The following BIN1 variants were observed in gnomAD, a reference collection of about 807,000 sequenced individuals.
The protein encoded by BIN1 is bridging integrator 1, also known as myc box-dependent-interacting protein 1.
In BIN1, 53 loss-of-function variants were observed where a neutral mutation model predicts 82.0. The ratio of observed to expected loss-of-function variants is 0.65; its 90% CI spans 0.52 to 0.81. The LOEUF (loss-of-function observed/expected upper bound fraction) is 0.81, where lower values mean the gene tolerates loss of function less well. BIN1 is among the 40% of genes least tolerant of loss of function. The pLI is 0.00. For missense variants in BIN1, 642 were observed against 784.4 expected, an observed-to-expected ratio of 0.82 and a Z score of 2.17; for synonymous variants, 302 against 328.0, an observed-to-expected ratio of 0.92 and a Z score of 0.86.
chr2:127,048,485 A>C lies in BIN1; in HGVS notation c.*41T>G, dbSNP rs1396666182. ...AAAGAACCACACATTTTTCGGGAGG[A>C]GGTGTTCTTCACACGCCCGGAGGCT... On this transcript the variant is annotated 3_prime_UTR_variant, in exon 19 of 19. Transcript: ENST00000316724. The C allele has an allele frequency of 6.5e-7, 1 of 1,549,062 alleles. No individual in the cohort carries two copies. Among genetic ancestry groups the C allele is most frequent in the Admixed American group, 1.7e-5 (1 of 59,648 alleles).
chr2:127,060,729 T>C, intron 10 of BIN1: 2 of 1,533,498 alleles, frequency 1.3e-6, no homozygotes, highest in South Asian at 1.1e-5. Context: ...TTGCCAACCC[T>C]TCTGCTCAGA....
chr2:127,054,243 C>T, intron 12 of BIN1: 1 of 573,672 alleles, frequency 1.7e-6, no homozygotes, highest in South Asian at 1.9e-5. Context: ...CCGGCACAGG[C>T]TCCCGCCCAC....
At chr2:127,078,024 C>T (rs539420720) in intron 1 of BIN1, among the ~76,000 whole-genome samples, 1 of 152,364 alleles carries the variant, frequency 6.6e-6, no homozygotes, top group South Asian at 2.1e-4. Context: ...ACATCCCTCC[C>T]TTCCAAGACC....
chr2:127,104,127 G>A (rs1196149556), intron 1 of BIN1, among the ~76,000 whole-genome samples: 1 of 152,248 alleles, frequency 6.6e-6, no homozygotes, highest in Non-Finnish European at 1.5e-5. Context: ...TGTCCAGGCA[G>A]GATTTGATGA....
rs1204123181 is a variant in BIN1 at position 127,082,134 on chromosome 2, G to A, written c.85-5428C>T. 6.6e-6 allele frequency among the ~76,000 whole-genome samples: 1 copy of A among 152,116 alleles called. No individual in the cohort carries two copies. Among genetic ancestry groups the A allele is most frequent in the Non-Finnish European group, 1.5e-5 (1 of 67,996 alleles). On this transcript the variant is annotated intron_variant, in intron 1 of 18. Transcript: ENST00000316724. This position sits in a 1 kb window ranked among gnomAD's most constrained non-coding sequence, Gnocchi z 6.1. The stretch of plus-strand genomic sequence containing the variant: ...AGGGCCCCTAGAACAGGACAAAGGC[G>A]AGCCTTCTCCCCACCCCCGCCCCCC...
At chr2:127,061,082 G>A (rs1218843116) in intron 10 of BIN1, among the ~76,000 whole-genome samples, 3 of 152,138 alleles carry the variant, frequency 2.0e-5, no homozygotes, top group African/African-American at 4.8e-5. Flanking sequence ...TGGCCAGGAC[G>A]GCCCCACTTA....
intron 10 of BIN1, among the ~76,000 whole-genome samples, chr2:127,061,727 G>A (rs1386863096): frequency 2.0e-5 from 3 of 152,134 alleles, no homozygotes; most frequent in Non-Finnish European, 4.4e-5. Flanking sequence ...AGAGGGAAGG[G>A]CGGTGCTATC....
chr2:127,068,342 T>A lies in BIN1; in HGVS notation c.520-87A>T. 8.8e-7 allele frequency: 1 copy of A among 1,132,298 alleles called. No homozygotes were observed. 70.1% of individuals were successfully genotyped at this position (1,132,298 alleles called of 1,614,324 possible). ...CAGAGACACACAGATTAAATGCAGG[T>A]CCACACGCCCCACGCGCGGGGGCCA... On this transcript the variant is annotated intron_variant, in intron 6 of 18. Coordinates refer to ENST00000316724, the MANE Select transcript of BIN1 (RefSeq NM_139343.3). The surrounding 1 kb of genome is among the most constrained non-coding windows in gnomAD (Gnocchi z 4.9).
At chr2:127,069,892 C>T (rs1558833338) in intron 5 of BIN1, 103 bp downstream of exon 5, 2 of 1,265,284 alleles carry the variant, frequency 1.6e-6, no homozygotes. Context: ...CTTCCTGCCT[C>T]CAGGACAGCC....
intron 1 of BIN1, among the ~76,000 whole-genome samples, chr2:127,095,011 C>T (rs1679414537): frequency 2.0e-5 from 3 of 152,234 alleles, no homozygotes; most frequent in Non-Finnish European, 1.5e-5. Context: ...GACATTCCAG[C>T]TCAGCCAGGC....
chr2:127,081,259 C>G (rs1400960726), intron 1 of BIN1, among the ~76,000 whole-genome samples: 1 of 152,248 alleles, frequency 6.6e-6, no homozygotes, highest in Non-Finnish European at 1.5e-5. Flanking sequence ...CATGCACGCA[C>G]TTCAAGTCAC....
chr2:127,051,003 G>T, intron 16 of BIN1, 91 bp from the exon 17 acceptor site: 1 of 1,508,168 alleles, frequency 6.6e-7, no homozygotes, highest in South Asian at 1.1e-5. Context: ...AGGGGAGAAA[G>T]GTGTCTGCGC....
Position 127,076,620 on chromosome 2 carries a change from A to G in BIN1, c.165+6T>C, listed in dbSNP as rs763931802. 14 of 1,613,566 alleles carry G rather than the reference A, an allele frequency of 8.7e-6. No homozygotes were observed. The highest frequency in any genetic ancestry group is 1.7e-5 in the Admixed American group (1 of 59,968). On this transcript the variant is annotated splice_donor_region_variant and intron_variant, in intron 2 of 18. Transcript: ENST00000316724. ...CTCCCTAAGGCCAAGGGCCACCCAC[A>G]CTCACCAGCTGCTTGTTGAAATTCT...
intron 1 of BIN1, among the ~76,000 whole-genome samples, chr2:127,105,171 A>T (rs1310081631): frequency 1.3e-5 from 2 of 152,284 alleles, no homozygotes; most frequent in East Asian, 3.9e-4. Context: ...TGCTGCAGAG[A>T]AAAGACAACC....
At position 127,081,800 on chromosome 2, in the gene BIN1, C is replaced by T. The variant is rs765211523; in HGVS notation, c.85-5094G>A. Reference sequence around the variant, plus strand: ...CTCCCAGGCACCCACCACCCAGCTGCTGAGACCCCAGAAAACGCATAAGGC... The same window carrying T: ...CTCCCAGGCACCCACCACCCAGCTGTTGAGACCCCAGAAAACGCATAAGGC... On this transcript the variant is annotated intron_variant, in intron 1 of 18. Coordinates refer to ENST00000316724, the MANE Select transcript of BIN1 (RefSeq NM_139343.3). 18 of 1,286,734 alleles carry T rather than the reference C, an allele frequency of 1.4e-5. No homozygotes were observed. In the African/African-American group the frequency reaches 2.6e-4, roughly 18 times the overall value. The allele number at this position is 1,286,734 out of a possible 1,614,324, so 79.7% of individuals were successfully genotyped here.
rs1183213851 is a variant in BIN1, at chr2:127,082,747, T to C, written c.85-6041A>G. On this transcript the variant is annotated intron_variant, in intron 1 of 18. Coordinates refer to ENST00000316724, the MANE Select transcript of BIN1 (RefSeq NM_139343.3). The surrounding 1 kb of genome is among the most constrained non-coding windows in gnomAD (Gnocchi z 6.1). ...CCTGCAACCAGACACACAGGACCCC[T>C]CTCCCGGCTGCTGCTCACACCTCCC... Among the ~76,000 whole-genome samples, 1 of 151,476 alleles carries C rather than the reference T, an allele frequency of 6.6e-6. No homozygotes were observed. The highest frequency in any genetic ancestry group is 1.5e-5 in the Non-Finnish European group (1 of 67,966).
chr2:127,103,177 T>C (rs775845515), intron 1 of BIN1, among the ~76,000 whole-genome samples: 1 of 152,166 alleles, frequency 6.6e-6, no homozygotes, highest in East Asian at 1.9e-4. Flanking sequence ...TATGCCCCCA[T>C]TGTCCTTTCT....
chr2:127,101,329 C>A (rs1440584199), intron 1 of BIN1, among the ~76,000 whole-genome samples: 1 of 152,210 alleles, frequency 6.6e-6, no homozygotes, highest in African/African-American at 2.4e-5. Flanking sequence ...TGCCCCTCAC[C>A]TGGGACGGGA....
intron 5 of BIN1, 105 bp from the exon 6 acceptor site, chr2:127,069,136 C>A: frequency 9.5e-7 from 1 of 1,048,686 alleles, no homozygotes; most frequent in Non-Finnish European, 1.4e-6. Flanking sequence ...GAGACCCCAG[C>A]TCCACAGGAA....
Sources: allele counts gnomAD v4.1 joint callset (sites outside exome capture counted in the v4.1 genomes callset), GRCh38; gene constraint gnomAD v4.1.1; non-coding constraint Gnocchi (gnomAD v3.1); transcripts MANE v1.5; gene names NCBI Gene and HGNC (gene_info 2026-07-23, HGNC 2026-07-21).